The following LRP1B variants were observed in gnomAD, a reference collection of about 807,000 sequenced individuals.
LRP1B encodes the protein low-density lipoprotein receptor-related protein 1B.
In LRP1B, 217 loss-of-function variants were observed where a neutral mutation model predicts 556.6. The ratio of observed to expected loss-of-function variants is 0.39; its 90% confidence interval spans 0.35 to 0.44. The LOEUF is 0.44. LRP1B is among the 20% of genes least tolerant of loss of function. LRP1B has a pLI of 1.00. For synonymous variants in LRP1B, 2,047 were observed against 1,865.8 expected, an observed-to-expected ratio of 1.10 and a Z score of -2.50; for missense variants, 5,053 against 5,620.8, an observed-to-expected ratio of 0.90 and a Z score of 3.23.
At chr2:140,990,908 T>C (rs1304857784) in intron 16 of LRP1B, among the ~76,000 whole-genome samples, 2 of 152,172 alleles carry the variant, frequency 1.3e-5, no homozygotes, top group African/African-American at 4.8e-5. Context: ...AAAATTGTTG[T>C]TTTATCATGC....
At chr2:141,840,718 G>A (rs1379611112) in intron 1 of LRP1B, among the ~76,000 whole-genome samples, 1 of 152,026 alleles carries the variant, frequency 6.6e-6, no homozygotes, top group Non-Finnish European at 1.5e-5. Flanking sequence ...GTTAGAAGGT[G>A]GTAAATTAGC....
At chr2:140,664,189 A>G (rs2105345607) in intron 41 of LRP1B, among the ~76,000 whole-genome samples, 1 of 152,338 alleles carries the variant, frequency 6.6e-6, no homozygotes, top group South Asian at 2.1e-4. Flanking sequence ...GAAAAGACTG[A>G]AATATTGCAA....
At chr2:140,935,390 T>C (rs1424730958) in intron 20 of LRP1B, among the ~76,000 whole-genome samples, 7 of 151,748 alleles carry the variant, frequency 4.6e-5, no homozygotes. Flanking sequence ...GTACAATAAC[T>C]AAAATGAAAA....
At position 140,445,994 on chromosome 2, in the gene LRP1B, A is replaced by C. The variant is rs149890732; in HGVS notation, c.10058-1315T>G. Among the ~76,000 whole-genome samples the C allele has an allele frequency of 2.2e-3, 328 of 152,256 alleles. 1 individual carries two copies. The highest frequency in any genetic ancestry group is 7.7e-3 in the African/African-American group (319 of 41,556). On this transcript the variant is annotated intron_variant, in intron 63 of 90. Coordinates refer to ENST00000389484, the MANE Select transcript of LRP1B (RefSeq NM_018557.3). ...ATTATGCTTTTATAATTACAATATT[A>C]AATAAAAATTTAAACATTCTTTAAA...
intron 2 of LRP1B, among the ~76,000 whole-genome samples, chr2:141,624,036 C>CAAAAAAAAAAAAAAAAAAAAA: frequency 7.1e-4 from 64 of 90,716 alleles, no homozygotes; most frequent in Admixed American, 8.7e-4. Flanking sequence ...AAAAATTAAA[C>CAAAAAAAAAAAAAAAAAAAAA]AAAAAAAAAA....
intron 1 of LRP1B, among the ~76,000 whole-genome samples, chr2:142,105,791 C>T (rs74964464): frequency 0.043 from 6,544 of 152,008 alleles, 230 homozygotes; most frequent in Non-Finnish European, 0.058. Context: ...TATTAATATA[C>T]GTATTTTAGT....
At chr2:140,283,275 C>G (rs530154343) in intron 84 of LRP1B, among the ~76,000 whole-genome samples, 1 of 151,716 alleles carries the variant, frequency 6.6e-6, no homozygotes, top group East Asian at 1.9e-4. Context: ...TTTACACAGC[C>G]TAAGATTTTT....
intron 75 of LRP1B, among the ~76,000 whole-genome samples, chr2:140,354,372 T>G (rs149413410): frequency 6.6e-6 from 1 of 152,134 alleles, no homozygotes; most frequent in South Asian, 2.1e-4. Flanking sequence ...TGTGATACTT[T>G]GCCTAAGAAC....
At chr2:140,806,402 G>A (rs112643149) in intron 32 of LRP1B, among the ~76,000 whole-genome samples, 71 of 151,964 alleles carry the variant, frequency 4.7e-4, no homozygotes, top group African/African-American at 1.4e-3. Context: ...ATCATTTAGC[G>A]CCATAAAACA....
At chr2:141,760,138 A>G (rs1441879887) in intron 2 of LRP1B, among the ~76,000 whole-genome samples, 1 of 152,180 alleles carries the variant, frequency 6.6e-6, no homozygotes, top group Non-Finnish European at 1.5e-5. Flanking sequence ...TTGTTTCAAA[A>G]ACTATCATGT....
intron 7 of LRP1B, among the ~76,000 whole-genome samples, chr2:141,153,390 T>C (rs1215699497): frequency 1.5e-5 from 1 of 67,352 alleles, no homozygotes; most frequent in Admixed American, 2.0e-4. Flanking sequence ...ATATAAGCTA[T>C]ATATTTATAT....
chr2:140,310,431 C>CCTGAATA (rs1684249333), intron 83 of LRP1B, among the ~76,000 whole-genome samples: 2 of 132,104 alleles, frequency 1.5e-5, no homozygotes, highest in Admixed American at 1.5e-4. Context: ...AAAAAAAAGG[C>CCTGAATA]CTGAATAGCC....
At chr2:141,809,880 G>A (rs1396196905) in intron 2 of LRP1B, among the ~76,000 whole-genome samples, 1 of 151,704 alleles carries the variant, frequency 6.6e-6, no homozygotes, top group Non-Finnish European at 1.5e-5. Flanking sequence ...TAATTTATTG[G>A]GGAAGGTCTT....
intron 5 of LRP1B, among the ~76,000 whole-genome samples, chr2:141,245,573 G>C (rs543534780): frequency 2.6e-5 from 4 of 152,302 alleles, no homozygotes; most frequent in African/African-American, 9.6e-5. Context: ...GAGGAAGTTA[G>C]AAGAAGCCAG....
intron 11 of LRP1B, among the ~76,000 whole-genome samples, chr2:141,025,173 C>T (rs950956480): frequency 1.3e-5 from 2 of 152,008 alleles, no homozygotes; most frequent in Non-Finnish European, 2.9e-5. Flanking sequence ...ATAATAATGT[C>T]TGCATTCCAG....
At position 141,544,396 on chromosome 2, in the gene LRP1B, C is replaced by CCTT. The variant is rs1559131618; in HGVS notation, c.206-63864_206-63863insAAG. 3.2e-3 allele frequency among the ~76,000 whole-genome samples: 167 copies of CCTT among 51,948 alleles called. 7 individuals are homozygous for CCTT. The highest frequency in any genetic ancestry group is 0.011 in the African/African-American group (166 of 15,442). 34.1% of individuals were successfully genotyped at this position (51,948 alleles called of 152,430 possible). Reference sequence around the variant, plus strand: ...TTCTTCTTCTTCTCCTCCTCCTCCTCCTCCTCCTCCTCCTCCTTCTCCTCC... The same window carrying CCTT: ...TTCTTCTTCTTCTCCTCCTCCTCCTCCTTCTCCTCCTCCTCCTCCTTCTCCTCC... On this transcript the variant is annotated intron_variant, in intron 2 of 90. Transcript: ENST00000389484.
intron 84 of LRP1B, among the ~76,000 whole-genome samples, chr2:140,279,009 C>T (rs1008758691): frequency 1.3e-5 from 2 of 151,930 alleles, no homozygotes; most frequent in African/African-American, 2.4e-5. Flanking sequence ...GTGTTCTGCA[C>T]CCCGGTTAGG....
intron 1 of LRP1B, among the ~76,000 whole-genome samples, chr2:142,055,916 G>A (rs970755717): frequency 3.3e-5 from 5 of 152,098 alleles, no homozygotes; most frequent in Admixed American, 2.0e-4. Flanking sequence ...TTTGGGAGGC[G>A]GAGGTGAGTG....
Position 141,734,099 on chromosome 2 carries a change from AT to A in LRP1B, c.205+76179del, listed in dbSNP as rs780040465. Among the ~76,000 whole-genome samples the A allele has an allele frequency of 4.6e-5, 7 of 152,132 alleles. No homozygotes were observed. The East Asian group carries it at 1.4e-3, about 29-fold the overall frequency. ...AGGTGGTTGGCAATTAGATCTTGAA[AT>A]TAAAAAAAATTAACCTTTATTAAGT... On this transcript the variant is annotated intron_variant, in intron 2 of 90. Coordinates refer to ENST00000389484, the MANE Select transcript of LRP1B (RefSeq NM_018557.3).
Sources: allele counts gnomAD v4.1 joint callset (sites outside exome capture counted in the v4.1 genomes callset), GRCh38; gene constraint gnomAD v4.1.1; transcripts MANE v1.5; gene names NCBI Gene and HGNC (gene_info 2026-07-23, HGNC 2026-07-21).